Variants in USP44 observed in about 807,000 individuals in gnomAD.
The protein encoded by USP44 is ubiquitin carboxyl-terminal hydrolase 44.
Under a neutral mutation model 69.0 loss-of-function variants are expected in USP44, and 61 were observed. The ratio of observed to expected loss-of-function variants is 0.88; its 90% CI spans 0.72 to 1.09. The LOEUF is 1.09. Ranked by LOEUF, USP44 falls within the 50% of genes least tolerant of loss-of-function variation. The probability of loss-of-function intolerance (pLI) is 0.00; values close to 1 mark genes in which losing one functional copy is unlikely to be tolerated. For missense variants in USP44, 753 were observed against 849.9 expected (o/e 0.89, Z 1.42); for synonymous variants, 297 against 295.4 (o/e 1.01, Z -0.06).
intron 3 of USP44, among the ~76,000 whole-genome samples, chr12:95,526,512 C>T (rs1213715546): frequency 6.6e-6 from 1 of 152,128 alleles, no homozygotes; most frequent in African/African-American, 2.4e-5. Flanking sequence ...GCGGAGCTTG[C>T]AGTGAGCCGA....
intron 2 of USP44, among the ~76,000 whole-genome samples, chr12:95,530,710 T>C (rs2076992681): frequency 6.6e-6 from 1 of 151,500 alleles, no homozygotes; most frequent in South Asian, 2.1e-4. Flanking sequence ...AAAAACACTT[T>C]CTGGAAAGAA....
rs748595802 is a variant in USP44 at position 95,533,005 on chromosome 12, C to G, written c.1252G>C (p.Gly418Arg). The G allele has an allele frequency of 6.2e-6, 10 of 1,614,108 alleles. No individual in the cohort carries two copies. The highest frequency in any genetic ancestry group is 8.5e-6 in the Non-Finnish European group (10 of 1,180,022). The stretch of plus-strand genomic sequence containing the variant: ...TCCTGAGCGTCTTGTTGGGCGTAAC[C>G]ACGAAAGGCAGGAATGAGTCTCCAC... Reference protein sequence around the residue: ...SVWRLIPAFRGYAQQDAQEFL... With the variant: ...SVWRLIPAFRRYAQQDAQEFL... The change falls in exon 2 of 6, where the codon GGT (glycine) becomes CGT (arginine). Residue 418 changes from glycine to arginine, a missense_variant. Transcript: ENST00000258499.
chr12:95,524,494 C>T (rs557276373), intron 4 of USP44, 186 bp downstream of exon 4: 3 of 453,158 alleles, frequency 6.6e-6, no homozygotes, highest in East Asian at 8.4e-5. Context: ...GAGACTCGAT[C>T]TCTAAATAAA....
intron 2 of USP44, among the ~76,000 whole-genome samples, chr12:95,530,275 G>C (rs2076976792): frequency 6.6e-6 from 1 of 152,004 alleles, no homozygotes; most frequent in African/African-American, 2.4e-5. Context: ...GACATTTTGA[G>C]AATTTTCTTG....
rs1367474674 is a variant in USP44 at position 95,533,730 on chromosome 12, T to C, written c.527A>G (p.Gln176Arg). The change falls in exon 2 of 6, where the codon CAA becomes CGA. Residue 176 changes from glutamine to arginine, a missense_variant. By Grantham distance (43) the Gln-to-Arg change is conservative (BLOSUM62 1). Coordinates refer to ENST00000258499, the MANE Select transcript of USP44 (RefSeq NM_032147.5). ...TATTTTTTCCTGAAATGGTTCTTCT[T>C]GCTTTTTTCTTCCAATGGGTGATTG... ...FEQSPIGRKK[Q>R]EEPFQEKIVV... 6.2e-7 allele frequency: 1 copy of C among 1,614,178 alleles called. No homozygotes were observed. The highest frequency in any genetic ancestry group is 8.5e-7 in the Non-Finnish European group (1 of 1,180,042).
In USP44 at chr12:95,532,873, G is replaced by T; in HGVS notation, c.1384C>A (p.Leu462Met). The T allele has an allele frequency of 6.2e-7, 1 of 1,606,558 alleles. No homozygotes were observed. The highest frequency in any genetic ancestry group is 1.1e-5 in the South Asian group (1 of 89,186). ...TSQRKLIKQV[L>M]NVVNNIFHGQ... ...TGAAAAATGTTATTTACAACATTCA[G>T]AACTTGTTTGATGAGTTTCCTTTGA... Residue 462 changes from leucine to methionine, a missense_variant, in exon 2 of 6, where the codon CTG (leucine) becomes ATG (methionine). Physicochemically the swap from Leu to Met is conservative, Grantham distance 15. Transcript: ENST00000258499.
At chr12:95,526,301 G>A (rs11108091) in intron 3 of USP44, among the ~76,000 whole-genome samples, 35,259 of 152,172 alleles carry the variant, frequency 0.23, 4,746 homozygotes, top group East Asian at 0.48. Flanking sequence ...GGCCGGGCGC[G>A]GTGGCTCGCG....
rs1246328528 is a variant in USP44 at position 95,534,195 on chromosome 12, C to T, written c.62G>A (p.Ser21Asn). ...ACAGTGCCATTTCTGAGGGTTGAGG[C>T]TGGAATGGTCTTGAGCAAGCTGCAG... ...GQLQLAQDHS[S>N]LNPQKWHCVD... The change falls in exon 2 of 6, where the codon AGC becomes AAC. Residue 21 changes from serine to asparagine, a missense_variant. Ser to Asn is a conservative substitution (Grantham distance 46, BLOSUM62 1). Transcript: ENST00000258499. The T allele has an allele frequency of 6.2e-7, 1 of 1,614,126 alleles. No homozygotes were observed. The highest frequency in any genetic ancestry group is 1.3e-5 in the African/African-American group (1 of 75,038).
chr12:95,550,361 T>C (rs578079588), intron 1 of USP44, among the ~76,000 whole-genome samples: 1 of 152,232 alleles, frequency 6.6e-6, no homozygotes, highest in East Asian at 1.9e-4. Context: ...AGGGATGAAT[T>C]TGCATAGTTT....
At chr12:95,532,178 T>TTCTTTC (rs1555200232) in intron 2 of USP44, among the ~76,000 whole-genome samples, 1 of 148,926 alleles carries the variant, frequency 6.7e-6, no homozygotes, top group African/African-American at 2.5e-5. Context: ...TTTTTTTTTT[T>TTCTTTC]TTTTTTTGAG....
chr12:95,540,390 T>C (rs1277443439), intron 1 of USP44, among the ~76,000 whole-genome samples: 1 of 149,642 alleles, frequency 6.7e-6, no homozygotes, highest in Non-Finnish European at 1.5e-5. Context: ...TTGCTCAGGC[T>C]GGAGTGCAAT....
chr12:95,539,692 A>ATGAC (rs2077327692), intron 1 of USP44, among the ~76,000 whole-genome samples: 1 of 152,202 alleles, frequency 6.6e-6, no homozygotes, highest in Admixed American at 6.5e-5. Context: ...TTTCACACCT[A>ATGAC]TGACTGAGCA....
chr12:95,537,481 G>A (rs1385531447), intron 1 of USP44, among the ~76,000 whole-genome samples: 1 of 151,966 alleles, frequency 6.6e-6, no homozygotes, highest in Admixed American at 6.6e-5. Context: ...ACCATGTCCA[G>A]CTAATTTTTG....
intron 3 of USP44, among the ~76,000 whole-genome samples, chr12:95,526,445 G>A (rs941174660): frequency 2.9e-4 from 44 of 152,136 alleles, no homozygotes; most frequent in African/African-American, 1.0e-3. Flanking sequence ...GGTGGCGGGC[G>A]CCTGTAGTCC....
intron 4 of USP44, among the ~76,000 whole-genome samples, chr12:95,523,475 C>G (rs1371102462): frequency 6.6e-6 from 1 of 152,126 alleles, no homozygotes; most frequent in Non-Finnish European, 1.5e-5. Flanking sequence ...GGGGAGAAAT[C>G]TCCTACACAT....
Position 95,533,912 on chromosome 12 carries a change from A to G in USP44, c.345T>C (p.Arg115=). 6.2e-7 allele frequency: 1 copy of G among 1,614,146 alleles called. No homozygotes were observed. Among genetic ancestry groups the G allele is most frequent in the Non-Finnish European group, 8.5e-7 (1 of 1,180,024 alleles). The part of the protein sequence containing the change: ...IKSQNYHCTT[R]SGRFLRSMGT... ...CCATGGACCGTAAAAACCTCCCACTACGAGTTGTGCAGTGATAATTTTGAC... is the reference window on the plus strand; with the variant it reads ...CCATGGACCGTAAAAACCTCCCACTGCGAGTTGTGCAGTGATAATTTTGAC... Residue 115 remains arginine, a synonymous_variant, in exon 2 of 6, where the codon CGT becomes CGC. Coordinates refer to ENST00000258499, the MANE Select transcript of USP44 (RefSeq NM_032147.5).
At chr12:95,541,321 T>C (rs550346232) in intron 1 of USP44, among the ~76,000 whole-genome samples, 3 of 152,282 alleles carry the variant, frequency 2.0e-5, no homozygotes, top group East Asian at 3.9e-4. Flanking sequence ...CAGTGGCTCA[T>C]GCTCAGAATA....
At chr12:95,538,928 G>C (rs921172674) in intron 1 of USP44, among the ~76,000 whole-genome samples, 1 of 152,206 alleles carries the variant, frequency 6.6e-6, no homozygotes, top group African/African-American at 2.4e-5. Context: ...CTATGCATTC[G>C]CTCTGGCGTC....
chr12:95,545,704 G>A lies in USP44; in HGVS notation c.-71+5568C>T, dbSNP rs116077155. Among the ~76,000 whole-genome samples the A allele has an allele frequency of 4.4e-3, 676 of 152,254 alleles. 4 individuals are homozygous for A. The highest frequency in any genetic ancestry group is 0.016 in the African/African-American group (655 of 41,548). On this transcript the variant is annotated intron_variant, in intron 1 of 5. Coordinates refer to ENST00000258499, the MANE Select transcript of USP44 (RefSeq NM_032147.5). ...GCACAGTGCTTGGTTCACAGAAAGGGGTTCAATATTTTTGAATGAACAAAT... is the reference window on the plus strand; with the variant it reads ...GCACAGTGCTTGGTTCACAGAAAGGAGTTCAATATTTTTGAATGAACAAAT...
Sources: allele counts gnomAD v4.1 joint callset (sites outside exome capture counted in the v4.1 genomes callset), GRCh38; gene constraint gnomAD v4.1.1; transcripts MANE v1.5; gene names NCBI Gene and HGNC (gene_info 2026-07-23, HGNC 2026-07-21).